KCNN2: variants seen among roughly 807,000 people sequenced by gnomAD.
The protein encoded by KCNN2 is potassium calcium-activated channel subfamily N member 2, also known as small conductance calcium-activated potassium channel protein 2.
Under a neutral mutation model 55.5 loss-of-function variants are expected in KCNN2, and 24 were observed. That is an observed-to-expected ratio of 0.43 (90% CI 0.31 to 0.61). KCNN2 has a LOEUF of 0.61. Ranked by LOEUF, KCNN2 falls within the 20% of genes least tolerant of loss-of-function variation. KCNN2 has a pLI of 0.08. For missense variants in KCNN2, 754 were observed against 853.6 expected (o/e 0.88, Z 1.45); for synonymous variants, 431 against 336.1 (o/e 1.28, Z -3.09).
intron 2 of KCNN2, among the ~76,000 whole-genome samples, chr5:114,227,780 GA>G (rs1754267328): frequency 6.6e-6 from 1 of 152,116 alleles, no homozygotes; most frequent in African/African-American, 2.4e-5. Flanking sequence ...TACCTGTAAA[GA>G]AGGATTATAA....
intron 2 of KCNN2, among the ~76,000 whole-genome samples, chr5:114,305,324 C>T (rs1363288409): frequency 6.6e-6 from 1 of 152,186 alleles, no homozygotes; most frequent in African/African-American, 2.4e-5. Context: ...GGAGATACCT[C>T]TCTGGAATGC....
At chr5:114,061,385 T>A (rs1007865089) in intron 1 of KCNN2, among the ~76,000 whole-genome samples, 1 of 152,242 alleles carries the variant, frequency 6.6e-6, no homozygotes, top group African/African-American at 2.4e-5. Context: ...TAATGTTTAC[T>A]TTTAATTATT....
chr5:114,429,392 C>T (rs543058178), intron 3 of KCNN2, among the ~76,000 whole-genome samples: 2 of 152,184 alleles, frequency 1.3e-5, no homozygotes, highest in East Asian at 3.9e-4. Flanking sequence ...TTCTGTTTCC[C>T]TAATGACAGA....
intron 2 of KCNN2, among the ~76,000 whole-genome samples, chr5:114,224,512 G>T (rs1754203650): frequency 6.6e-6 from 1 of 152,130 alleles, no homozygotes; most frequent in Non-Finnish European, 1.5e-5. Context: ...ACTAATTCAT[G>T]ACAGGAATAA....
At chr5:114,424,563 T>C (rs576379735) in intron 3 of KCNN2, among the ~76,000 whole-genome samples, 11 of 152,302 alleles carry the variant, frequency 7.2e-5, no homozygotes, top group African/African-American at 2.4e-4. Flanking sequence ...CTGAGTAATA[T>C]AAATGCTGCT....
chr5:114,161,800 C>T (rs557123962), intron 1 of KCNN2, among the ~76,000 whole-genome samples: 16 of 152,228 alleles, frequency 1.1e-4, no homozygotes, highest in Non-Finnish European at 1.6e-4. Context: ...ACATCAGCTA[C>T]TGAGGCTTGT....
chr5:114,166,822 G>A (rs1752922902), intron 1 of KCNN2, among the ~76,000 whole-genome samples: 1 of 152,064 alleles, frequency 6.6e-6, no homozygotes. Context: ...CATGAAGGTG[G>A]AACCCTGATG....
In KCNN2 at chr5:114,422,517, CA is replaced by C. The variant is rs565031349; in HGVS notation, c.1637+17662del. Reference sequence around the variant, plus strand: ...AAATGTCTGTTTTATATAAGCCAGTCAGCTTATGGTATTCTGATATAGCAGC... The same window carrying C: ...AAATGTCTGTTTTATATAAGCCAGTCGCTTATGGTATTCTGATATAGCAGC... On this transcript the variant is annotated intron_variant, in intron 3 of 7. Coordinates refer to ENST00000673685, the MANE Select transcript of KCNN2 (RefSeq NM_021614.4). Among the ~76,000 whole-genome samples, 383 of 152,228 alleles carry C rather than the reference CA, an allele frequency of 2.5e-3. 4 individuals carry two copies. The highest frequency in any genetic ancestry group is 8.9e-3 in the African/African-American group (369 of 41,524).
chr5:114,061,053 C>G (rs1352326997), intron 1 of KCNN2, among the ~76,000 whole-genome samples: 3 of 152,152 alleles, frequency 2.0e-5, no homozygotes, highest in Non-Finnish European at 4.4e-5. Context: ...AATTCATGGG[C>G]AGCTGGGAGT....
intron 2 of KCNN2, among the ~76,000 whole-genome samples, chr5:114,233,066 G>A (rs1403003887): frequency 7.0e-6 from 1 of 143,314 alleles, no homozygotes; most frequent in Non-Finnish European, 1.5e-5. Flanking sequence ...GACTACAGGC[G>A]CCCGCCACTA....
intron 1 of KCNN2, among the ~76,000 whole-genome samples, chr5:114,118,518 A>C (rs944460194): frequency 6.6e-6 from 1 of 152,106 alleles, no homozygotes; most frequent in African/African-American, 2.4e-5. Flanking sequence ...GAGTTGTCCC[A>C]GCTCACCAGT....
chr5:114,267,406 A>G (rs1755232730), intron 2 of KCNN2, among the ~76,000 whole-genome samples: 1 of 152,184 alleles, frequency 6.6e-6, no homozygotes, highest in Non-Finnish European at 1.5e-5. Context: ...TTATGCTCAC[A>G]GAACTGCCCT....
chr5:114,474,649 G>A (rs1464665756), intron 5 of KCNN2, among the ~76,000 whole-genome samples: 1 of 152,148 alleles, frequency 6.6e-6, no homozygotes, highest in Non-Finnish European at 1.5e-5. Context: ...GATGTTTTGT[G>A]TATTTCATCA....
intron 1 of KCNN2, among the ~76,000 whole-genome samples, chr5:114,105,982 TTC>T (rs1453717403): frequency 6.6e-6 from 1 of 151,992 alleles, no homozygotes; most frequent in Admixed American, 6.6e-5. Flanking sequence ...AGTGTATTTA[TTC>T]ACCTTATGTT....
At chr5:114,202,585 ATT>A (rs34199170) in intron 1 of KCNN2, among the ~76,000 whole-genome samples, 57 of 92,130 alleles carry the variant, frequency 6.2e-4, no homozygotes, top group African/African-American at 2.3e-3. Flanking sequence ...ATATATATAT[ATT>A]TTTTTTTTTT....
chr5:114,187,935 C>G (rs977149176), intron 1 of KCNN2, among the ~76,000 whole-genome samples: 1 of 152,094 alleles, frequency 6.6e-6, no homozygotes. Flanking sequence ...CTGCCTCAGC[C>G]TCCCCAGTAG....
chr5:114,470,705 C>G (rs533440017), intron 4 of KCNN2, among the ~76,000 whole-genome samples: 2 of 152,110 alleles, frequency 1.3e-5, no homozygotes, highest in Non-Finnish European at 2.9e-5. Context: ...CTTTACTTTC[C>G]TTGTTTATCG....
chr5:114,086,761 T>C, intron 1 of KCNN2, among the ~76,000 whole-genome samples: 1 of 152,154 alleles, frequency 6.6e-6, no homozygotes, highest in Non-Finnish European at 1.5e-5. Context: ...ATGTGTCTTT[T>C]TGATAGAATG....
At chr5:114,111,264 A>C (rs564775731) in intron 1 of KCNN2, among the ~76,000 whole-genome samples, 41 of 152,300 alleles carry the variant, frequency 2.7e-4, no homozygotes, top group African/African-American at 9.9e-4. Flanking sequence ...TGCTGGAAAA[A>C]ACAGGCTAGC....
Sources: gnomAD v4.1 joint callset for allele counts (sites outside exome capture counted in the v4.1 genomes callset) on GRCh38, gnomAD v4.1.1 for gene constraint, MANE v1.5 for transcripts, NCBI Gene and HGNC (gene_info 2026-07-23, HGNC 2026-07-21) for gene names.